LLGL2: variants seen among roughly 807,000 people sequenced by gnomAD.
LLGL2 encodes LLGL scribble cell polarity complex component 2.
In LLGL2, 81 loss-of-function variants were observed where a neutral mutation model predicts 123.2. The observed-to-expected ratio is 0.66, with a 90% CI of 0.55 to 0.79. LLGL2 has a LOEUF of 0.79. Ranked by LOEUF, LLGL2 falls within the 30% of genes least tolerant of loss-of-function variation. LLGL2 has a pLI of 0.00. For missense variants in LLGL2, 1,273 were observed against 1,414.6 expected (o/e 0.90, Z 1.61); for synonymous variants, 577 against 594.1 (o/e 0.97, Z 0.42).
Position 75,570,165 on chromosome 17 carries a change from C to T in LLGL2, c.1784C>T (p.Ala595Val). ...CQPPAVVTSLALHSEWRLVAF... is the reference protein window; with the variant it reads ...CQPPAVVTSLVLHSEWRLVAF... ...CCCCCGGCTGTGGTCACCTCCTTGGCCCTGCACTCTGAGTGGCGGCTCGTG... is the reference window on the plus strand; with the variant it reads ...CCCCCGGCTGTGGTCACCTCCTTGGTCCTGCACTCTGAGTGGCGGCTCGTG... The change falls in exon 15 of 26, where the codon GCC becomes GTC. Residue 595 changes from alanine to valine, a missense_variant. Coordinates refer to ENST00000392550, the MANE Select transcript of LLGL2 (RefSeq NM_001031803.2). The T allele has an allele frequency of 6.3e-7, 1 of 1,594,724 alleles. No homozygotes were observed. Among genetic ancestry groups the T allele is most frequent in the Non-Finnish European group, 8.5e-7 (1 of 1,171,548 alleles).
intron 1 of LLGL2, among the ~76,000 whole-genome samples, chr17:75,541,769 GC>G (rs1202447166): frequency 1.8e-5 from 2 of 108,630 alleles, no homozygotes; most frequent in African/African-American, 3.4e-5. Context: ...TTGCTCTGTT[GC>G]CCAGGCCGGA....
In LLGL2 at chr17:75,559,566, A is replaced by G. The variant is rs541701282; in HGVS notation, c.530+156A>G. ...GCTCTTGGCTTCCTACCTGTCACCT[A>G]CTGAGAACCTATTGGCCTGTCATAG... is the stretch of plus-strand genomic sequence containing the variant. On this transcript the variant is annotated intron_variant, in intron 6 of 25. Transcript: ENST00000392550. This position sits in a 1 kb window ranked among gnomAD's most constrained non-coding sequence, Gnocchi z 4.6. Among the ~76,000 whole-genome samples, 10 of 152,292 alleles carry G rather than the reference A, an allele frequency of 6.6e-5. 1 individual carries two copies. The highest frequency in any genetic ancestry group is 2.4e-4 in the African/African-American group (10 of 41,570).
In LLGL2 at chr17:75,569,225, G is replaced by A. The variant is rs1163264260; in HGVS notation, c.1481G>A (p.Gly494Asp). The A allele has an allele frequency of 6.2e-7, 1 of 1,613,468 alleles. No individual in the cohort carries two copies. Among genetic ancestry groups the A allele is most frequent in the East Asian group, 2.2e-5 (1 of 44,880 alleles). ...EDEWPPLRKV[G>D]SFDPYSDDPR... is the part of the protein sequence containing the mutation. ...AGGGCCCCTCCCCTTCTCCAGGTGG[G>A]CTCCTTTGACCCCTACAGTGATGAC... Residue 494 changes from glycine (G) to aspartate (D), a missense_variant, in exon 14 of 26, where the codon GGC becomes GAC. Coordinates refer to ENST00000392550, the MANE Select transcript of LLGL2 (RefSeq NM_001031803.2).
At chr17:75,571,874 C>G in intron 18 of LLGL2, 24 bp from the exon 19 acceptor site, 1 of 1,610,306 alleles carries the variant, frequency 6.2e-7, no homozygotes, top group Non-Finnish European at 8.5e-7. Flanking sequence ...CTCACCAGCC[C>G]CAACACCCAC....
chr17:75,530,994 G>A (rs1040383687), intron 1 of LLGL2, among the ~76,000 whole-genome samples: 1 of 152,164 alleles, frequency 6.6e-6, no homozygotes, highest in Non-Finnish European at 1.5e-5. Context: ...AGTCTTTCCT[G>A]TGGTGGGGAT....
Position 75,559,468 on chromosome 17 carries a change from C to G in LLGL2, c.530+58C>G. ...TCCCCTCAAGTTAGGCATGGCTTCT[C>G]CCCTTGGTCCCAGGACTCTGTCAGG... On this transcript the variant is annotated intron_variant, in intron 6 of 25. Transcript: ENST00000392550. This position sits in a 1 kb window ranked among gnomAD's most constrained non-coding sequence, Gnocchi z 4.6. 1 of 1,535,610 alleles carries G rather than the reference C, an allele frequency of 6.5e-7. No individual in the cohort carries two copies. Among genetic ancestry groups the G allele is most frequent in the Non-Finnish European group, 8.8e-7 (1 of 1,141,742 alleles).
chr17:75,570,322 C>T, intron 15 of LLGL2, 26 bp from the exon 16 acceptor site: 1 of 1,609,658 alleles, frequency 6.2e-7, no homozygotes, highest in Non-Finnish European at 8.5e-7. Context: ...GACCTAGCAG[C>T]ACTGACAGCC....
Position 75,568,687 on chromosome 17 carries a change from C to T in LLGL2, c.1248C>T (p.Ser416=), listed in dbSNP as rs2055553048. 1.9e-6 allele frequency: 3 copies of T among 1,613,704 alleles called. No individual in the cohort carries two copies. Among genetic ancestry groups the T allele is most frequent in the Non-Finnish European group, 2.5e-6 (3 of 1,179,956 alleles). The change falls in exon 11 of 26, where the codon TCC becomes TCT. Residue 416 remains serine, a synonymous_variant. Transcript: ENST00000392550. ...GCAGCCGGCAGAACGCACACTTCTC[C>T]ACCATGGTAGGTCTGGCCCTGGCCC... The part of the protein sequence containing the change: ...AAGSRQNAHF[S]TMEWPIDGGT...
intron 3 of LLGL2, 189 bp from the exon 4 acceptor site, chr17:75,557,966 T>C: frequency 1.4e-6 from 1 of 705,832 alleles, no homozygotes; most frequent in Non-Finnish European, 2.6e-6. Flanking sequence ...GTCACTGGCC[T>C]GGTGCCCCAG....
intron 17 of LLGL2, 115 bp downstream of exon 17, chr17:75,571,215 C>T (rs1464740249): frequency 2.0e-6 from 2 of 1,020,674 alleles, no homozygotes; most frequent in African/African-American, 3.2e-5. Context: ...AAGAGGTTTC[C>T]CCTTGTGAGC....
chr17:75,558,250 G>C lies in LLGL2; in HGVS notation c.255+14G>C. The C allele has an allele frequency of 1.9e-6, 3 of 1,607,136 alleles. No homozygotes were observed. The highest frequency in any genetic ancestry group is 1.7e-4 in the Middle Eastern group (1 of 6,046). ...CTGCCCGGCCAGGTGAGGGACCTGGGGTGGGACAGGAAGCCACTTCCATGC... is the reference window on the plus strand; with the variant it reads ...CTGCCCGGCCAGGTGAGGGACCTGGCGTGGGACAGGAAGCCACTTCCATGC... On this transcript the variant is annotated intron_variant, in intron 4 of 25. Coordinates refer to ENST00000392550, the MANE Select transcript of LLGL2 (RefSeq NM_001031803.2). The surrounding 1 kb of genome is among the most constrained non-coding windows in gnomAD (Gnocchi z 4.0).
intron 1 of LLGL2, among the ~76,000 whole-genome samples, chr17:75,529,818 GC>G (rs2053710649): frequency 6.6e-6 from 1 of 151,934 alleles, no homozygotes; most frequent in African/African-American, 2.4e-5. Flanking sequence ...CCGAGATCGC[GC>G]CACTGCACTC....
At chr17:75,568,729 G>T in intron 11 of LLGL2, 36 bp downstream of exon 11, 1 of 1,612,586 alleles carries the variant, frequency 6.2e-7, no homozygotes, top group Non-Finnish European at 8.5e-7. Context: ...CAGCCCCACC[G>T]CAAGCCAAAC....
chr17:75,554,912 T>TGGGTGC (rs2054836926), intron 2 of LLGL2, among the ~76,000 whole-genome samples: 1 of 134,490 alleles, frequency 7.4e-6, no homozygotes, highest in Non-Finnish European at 1.6e-5. Flanking sequence ...AATTTTTGGC[T>TGGGTGC]GGGTGCGGGT....
In LLGL2 at chr17:75,564,862, C is replaced by CAAA. The variant is rs33986841; in HGVS notation, c.1036+370_1036+372dup. On this transcript the variant is annotated intron_variant, in intron 10 of 25. Transcript: ENST00000392550. The surrounding 1 kb of genome is among the most constrained non-coding windows in gnomAD (Gnocchi z 4.9). ...TGGGTGACATAGCCAGACTGTGTCT[C>CAAA]AAAAAAAAAAAAAAAAAGGGCTCTG... The CAAA allele has an allele frequency of 1.6e-3, 167 of 107,728 alleles. 1 individual carries two copies. The highest frequency in any genetic ancestry group is 4.9e-3 in the African/African-American group (154 of 31,664). 6.7% of individuals were successfully genotyped at this position (107,728 alleles called of 1,614,324 possible).
rs969956596 is a variant in LLGL2 at position 75,574,224 on chromosome 17, G to A, written c.2917G>A (p.Gly973Ser). ...CCTCTACCTTCCAGAGAAGCAGCCC[G>A]GCCTGGTGATGGAGCGCGCTCTGCT... is the stretch of plus-strand genomic sequence containing the variant. ...TQSDGEEKQP[G>S]LVMERALLSD... The change falls in exon 23 of 26, where the codon GGC becomes AGC. Residue 973 changes from glycine to serine, a missense_variant. Gly to Ser is a moderately conservative substitution (Grantham distance 56). Coordinates refer to ENST00000392550, the MANE Select transcript of LLGL2 (RefSeq NM_001031803.2). 3.7e-5 allele frequency: 57 copies of A among 1,540,124 alleles called. No homozygotes were observed. Among genetic ancestry groups the A allele is most frequent in the Non-Finnish European group, 4.6e-5 (53 of 1,141,830 alleles).
At chr17:75,556,767 ATT>A (rs1385248213) in intron 3 of LLGL2, among the ~76,000 whole-genome samples, 2 of 152,234 alleles carry the variant, frequency 1.3e-5, no homozygotes, top group Admixed American at 1.3e-4. Flanking sequence ...ATTTAAAAAA[ATT>A]TTTTTCGGCA....
intron 2 of LLGL2, among the ~76,000 whole-genome samples, chr17:75,555,221 A>G (rs111941746): frequency 0.016 from 2,413 of 151,424 alleles, 62 homozygotes; most frequent in African/African-American, 0.055. Flanking sequence ...AGTGCAGAAG[A>G]CTCGAAGGAT....
At position 75,559,428 on chromosome 17, in the gene LLGL2, C is replaced by A. The variant is rs1258497695; in HGVS notation, c.530+18C>A. ...CTGCAGCGGTGAGCCCAGAGCCCAG[C>A]TGCTGTTAACTCCATCCCCTCAAGT... On this transcript the variant is annotated intron_variant, in intron 6 of 25. Transcript: ENST00000392550. The surrounding 1 kb of genome is among the most constrained non-coding windows in gnomAD (Gnocchi z 4.6). 3.2e-6 allele frequency: 5 copies of A among 1,584,544 alleles called. No individual in the cohort carries two copies. The South Asian group carries it at 4.6e-5, about 15-fold the overall frequency.
Sources: allele counts gnomAD v4.1 joint callset (sites outside exome capture counted in the v4.1 genomes callset), GRCh38; gene constraint gnomAD v4.1.1; non-coding constraint Gnocchi (gnomAD v3.1); transcripts MANE v1.5; gene names NCBI Gene and HGNC (gene_info 2026-07-23, HGNC 2026-07-21).